Variants in INPP5A observed in about 807,000 individuals in gnomAD.
INPP5A encodes the protein 43 kDa inositol polyphosphate 5-phophatase.
Under a neutral mutation model 65.2 loss-of-function variants are expected in INPP5A, and 14 were observed. The observed-to-expected ratio is 0.21, with a 90% CI of 0.14 to 0.34. INPP5A has a LOEUF of 0.34. Ranked by LOEUF, INPP5A falls within the 10% of genes least tolerant of loss-of-function variation. INPP5A has a pLI of 1.00. For synonymous variants in INPP5A, 207 were observed against 208.3 expected (o/e 0.99, Z 0.05); for missense variants, 431 against 545.6 (o/e 0.79, Z 2.09).
chr10:132,688,959 TTG>T (rs972278927), intron 4 of INPP5A, among the ~76,000 whole-genome samples: 11 of 150,868 alleles, frequency 7.3e-5, no homozygotes, highest in South Asian at 2.1e-4. Context: ...CAAATGCATG[TTG>T]TGTGTGCATG....
chr10:132,571,651 G>A (rs540466538), intron 1 of INPP5A, among the ~76,000 whole-genome samples: 27 of 152,344 alleles, frequency 1.8e-4, no homozygotes, highest in Non-Finnish European at 3.2e-4. Flanking sequence ...CGTTTGTGCC[G>A]TAAGGACCCG....
At chr10:132,772,837 G>A (rs2767433) in intron 12 of INPP5A, among the ~76,000 whole-genome samples, 891 of 13,268 alleles carry the variant, frequency 0.067, 89 homozygotes, top group African/African-American at 0.24. Flanking sequence ...CACGGCAGCC[G>A]CCCCACGAAG....
chr10:132,782,014 A>G lies in INPP5A; in HGVS notation c.*8-23A>G, dbSNP rs199539469. 1,025 of 1,609,980 alleles carry G rather than the reference A, an allele frequency of 6.4e-4. No homozygotes were observed. Among genetic ancestry groups the G allele is most frequent in the Non-Finnish European group, 8.3e-4 (976 of 1,178,024 alleles). ...TTTTCCTGGTGCGTTTGTTCCTTTAACAAATTACGAATTCCGTGACAGGGA... is the reference window on the plus strand; with the variant it reads ...TTTTCCTGGTGCGTTTGTTCCTTTAGCAAATTACGAATTCCGTGACAGGGA... On this transcript the variant is annotated intron_variant, in intron 15 of 15. Transcript: ENST00000368594. This position sits in a 1 kb window ranked among gnomAD's most constrained non-coding sequence, Gnocchi z 4.4.
chr10:132,538,224 C>G lies in INPP5A; in HGVS notation c.75+53C>G. ...CCAAGCCCGGAACCCCCGACCCTGA[C>G]CCCGGGGTCCCGAACTGCAAGCCTT... On this transcript the variant is annotated intron_variant, in intron 1 of 15. Coordinates refer to ENST00000368594, the MANE Select transcript of INPP5A (RefSeq NM_005539.5). The surrounding 1 kb of genome is among the most constrained non-coding windows in gnomAD (Gnocchi z 4.1). 9.1e-7 allele frequency: 1 copy of G among 1,096,166 alleles called. No individual in the cohort carries two copies. The highest frequency in any genetic ancestry group is 1.2e-6 in the Non-Finnish European group (1 of 861,876). The allele number at this position is 1,096,166 out of a possible 1,614,324, so 67.9% of individuals were successfully genotyped here. A position where few individuals can be genotyped will look rare whatever the true frequency, so the allele number is the denominator to read the frequency against.
At chr10:132,638,992 T>C (rs544519416) in intron 2 of INPP5A, among the ~76,000 whole-genome samples, 1 of 152,318 alleles carries the variant, frequency 6.6e-6, no homozygotes, top group South Asian at 2.1e-4. Context: ...CCTGCCTACA[T>C]AGAAAATTGG....
intron 1 of INPP5A, among the ~76,000 whole-genome samples, chr10:132,567,919 G>A (rs368927883): frequency 6.6e-6 from 1 of 152,132 alleles, no homozygotes; most frequent in African/African-American, 2.4e-5. Context: ...GAGGCCGGGC[G>A]CGGTGGCTCA....
At chr10:132,554,530 C>T (rs1026434136) in intron 1 of INPP5A, among the ~76,000 whole-genome samples, 2 of 151,940 alleles carry the variant, frequency 1.3e-5, no homozygotes, top group African/African-American at 4.8e-5. Context: ...GTGGTTGGTG[C>T]GGTTGATGTG....
rs185987120 is a variant in INPP5A, at chr10:132,551,418, C to G, written c.75+13247C>G. ...GTCCCTCCAGGTGGTCGGGGGACAC[C>G]GGGCTTCTGGGTCAGCAAGTGTTTG... On this transcript the variant is annotated intron_variant, in intron 1 of 15. Transcript: ENST00000368594. The surrounding 1 kb of genome is among the most constrained non-coding windows in gnomAD (Gnocchi z 5.3). 2.6e-5 allele frequency among the ~76,000 whole-genome samples: 4 copies of G among 152,148 alleles called. No homozygotes were observed. Among genetic ancestry groups the G allele is most frequent in the African/African-American group, 9.7e-5 (4 of 41,438 alleles).
At position 132,704,505 on chromosome 10, in the gene INPP5A, G is replaced by C. The variant is rs957546029; in HGVS notation, c.475-3808G>C. Among the ~76,000 whole-genome samples, 1 of 152,242 alleles carries C rather than the reference G, an allele frequency of 6.6e-6. No individual in the cohort carries two copies. Among genetic ancestry groups the C allele is most frequent in the African/African-American group, 2.4e-5 (1 of 41,462 alleles). ...CCCGCGGCGGCTGCTGGTGCGCAGA[G>C]CCACCCCTCGCAGCCCGCCGGCAAC... On this transcript the variant is annotated intron_variant, in intron 6 of 15. Transcript: ENST00000368594. The surrounding 1 kb of genome is among the most constrained non-coding windows in gnomAD (Gnocchi z 4.5).
At chr10:132,777,903 G>C (rs1371816810) in intron 13 of INPP5A, 121 bp downstream of exon 13, 2 of 1,520,642 alleles carry the variant, frequency 1.3e-6, no homozygotes, top group Non-Finnish European at 8.8e-7. Context: ...ATGCTGCCAG[G>C]TTGGGCCCTG....
intron 9 of INPP5A, among the ~76,000 whole-genome samples, chr10:132,728,608 A>T (rs1458875898): frequency 6.6e-6 from 1 of 152,212 alleles, no homozygotes; most frequent in Non-Finnish European, 1.5e-5. Flanking sequence ...TCCACAGTGC[A>T]CATAAGTACT....
At chr10:132,703,766 C>CCA (rs1235568435) in intron 6 of INPP5A, among the ~76,000 whole-genome samples, 15 of 74,060 alleles carry the variant, frequency 2.0e-4, no homozygotes, top group Non-Finnish European at 2.7e-4. Context: ...TTCACCCCCC[C>CCA]CACACACACA....
intron 5 of INPP5A, among the ~76,000 whole-genome samples, chr10:132,691,292 A>G (rs2134486279): frequency 6.6e-6 from 1 of 152,336 alleles, no homozygotes; most frequent in East Asian, 1.9e-4. Context: ...AGACCTTCAG[A>G]TCCTTCCAAA....
chr10:132,758,168 C>A (rs1357126086), intron 11 of INPP5A, among the ~76,000 whole-genome samples: 8 of 79,784 alleles, frequency 1.0e-4, no homozygotes, highest in South Asian at 4.9e-4. Context: ...TGACCCCACA[C>A]CCATAGCCCG....
intron 4 of INPP5A, among the ~76,000 whole-genome samples, chr10:132,652,017 TTCCTCCCTCTCCCCCTTGGTCCC>T (rs771695384): frequency 2.9e-4 from 44 of 151,498 alleles, no homozygotes; most frequent in Admixed American, 4.6e-4. Context: ...CCTGTCAGCC[TTCCTCCCTCTCCCCCTTGGTCCC>T]TCCTCCCTCT....
intron 12 of INPP5A, among the ~76,000 whole-genome samples, chr10:132,776,214 T>C (rs1046447643): frequency 2.6e-5 from 4 of 152,214 alleles, no homozygotes; most frequent in Non-Finnish European, 4.4e-5. Context: ...GAGACATGCA[T>C]GACACGCAGG....
chr10:132,652,545 C>G (rs748608746), intron 4 of INPP5A, among the ~76,000 whole-genome samples: 13 of 152,268 alleles, frequency 8.5e-5, no homozygotes, highest in Non-Finnish European at 1.3e-4. Context: ...AAGGCCCTTC[C>G]TTGCCACCCA....
chr10:132,641,159 G>A (rs538303912), intron 2 of INPP5A, among the ~76,000 whole-genome samples: 25 of 152,270 alleles, frequency 1.6e-4, no homozygotes, highest in Admixed American at 4.6e-4. Flanking sequence ...CTGTAAAGAG[G>A]GACTGTGTCC....
chr10:132,654,598 C>T (rs961288916), intron 4 of INPP5A, among the ~76,000 whole-genome samples: 1 of 152,218 alleles, frequency 6.6e-6, no homozygotes, highest in African/African-American at 2.4e-5. Flanking sequence ...CACCCTCCTG[C>T]CCCAGCCAGG....
Sources: allele counts gnomAD v4.1 joint callset (sites outside exome capture counted in the v4.1 genomes callset), GRCh38; gene constraint gnomAD v4.1.1; non-coding constraint Gnocchi (gnomAD v3.1); transcripts MANE v1.5; gene names NCBI Gene and HGNC (gene_info 2026-07-23, HGNC 2026-07-21).